Variants in ARHGEF10L observed in about 807,000 individuals in gnomAD.
ARHGEF10L encodes the protein rho guanine nucleotide exchange factor 10-like protein.
A neutral mutation model predicts 141.2 loss-of-function variants in ARHGEF10L; 69 were observed. The ratio of observed to expected loss-of-function variants is 0.49; its 90% CI spans 0.40 to 0.60. The LOEUF (loss-of-function observed/expected upper bound fraction) is 0.60. Ranked by LOEUF, ARHGEF10L falls within the 20% of genes least tolerant of loss-of-function variation. The probability of loss-of-function intolerance (pLI) is 0.00; values close to 1 mark genes in which losing one functional copy is unlikely to be tolerated. For synonymous variants in ARHGEF10L, 711 were observed against 718.5 expected (o/e 0.99, Z 0.17); for missense variants, 1,482 against 1,734.3 (o/e 0.85, Z 2.58).
In ARHGEF10L at chr1:17,697,138, G is replaced by A. The variant is rs2102632797; in HGVS notation, c.3598G>A (p.Ala1200Thr). 6 of 1,611,586 alleles carry A rather than the reference G, an allele frequency of 3.7e-6. No individual in the cohort carries two copies. The highest frequency in any genetic ancestry group is 5.1e-6 in the Non-Finnish European group (6 of 1,179,290). ...GGAGCCGGCGCCTGCTGATGGCGCA[G>A]CTTTGGAGCACAGCGAGGAGGACGG... The part of the protein sequence containing the change: ...MREPAPADGA[A>T]LEHSEEDGSI... The change falls in exon 29 of 29, where the codon GCT (alanine) becomes ACT (threonine). Residue 1200 changes from alanine to threonine, a missense_variant. Ala to Thr is a moderately conservative substitution (Grantham distance 58, BLOSUM62 0). Transcript: ENST00000361221. This position sits in a 1 kb window ranked among gnomAD's most constrained non-coding sequence, Gnocchi z 4.8.
At position 17,599,788 on chromosome 1, in the gene ARHGEF10L, C is replaced by T. The variant is rs74496078; in HGVS notation, c.258-2339C>T. On this transcript the variant is annotated intron_variant, in intron 4 of 28. Transcript: ENST00000361221. Reference sequence around the variant, plus strand: ...CTTCTGGCAGTGAAATGTGAGCTGACACTTGCTCCTCTAATAGGGCAGGTG... The same window carrying T: ...CTTCTGGCAGTGAAATGTGAGCTGATACTTGCTCCTCTAATAGGGCAGGTG... 9.6e-3 allele frequency among the ~76,000 whole-genome samples: 1,460 copies of T among 152,298 alleles called. 28 individuals carry two copies. Among genetic ancestry groups the T allele is most frequent in the African/African-American group, 0.032 (1,347 of 41,562 alleles).
chr1:17,681,917 G>A (rs1034312826), intron 26 of ARHGEF10L, among the ~76,000 whole-genome samples: 3 of 151,740 alleles, frequency 2.0e-5, no homozygotes, highest in African/African-American at 7.3e-5. Context: ...TTGACTAGTT[G>A]TCACTAGTTA....
At chr1:17,624,524 C>T (rs367913209) in intron 13 of ARHGEF10L, 21 bp downstream of exon 13, 16 of 1,597,038 alleles carry the variant, frequency 1.0e-5, no homozygotes, top group African/African-American at 8.1e-5. Flanking sequence ...ATGGTGGTAC[C>T]GTGCCTGGTC....
chr1:17,660,932 T>A (rs573131150), intron 25 of ARHGEF10L, among the ~76,000 whole-genome samples: 119 of 152,286 alleles, frequency 7.8e-4, no homozygotes, highest in Non-Finnish European at 1.4e-3. Context: ...GGGTTTAGGA[T>A]CTCAGAATCA....
intron 2 of ARHGEF10L, among the ~76,000 whole-genome samples, chr1:17,586,490 T>C (rs2079034185): frequency 9.6e-6 from 1 of 103,912 alleles, no homozygotes; most frequent in African/African-American, 3.3e-5. Flanking sequence ...ACTCCTGAAG[T>C]TCCATTCAGC....
rs764503209 is a variant in ARHGEF10L, at chr1:17,616,239, G to A, written c.835+37G>A. The A allele has an allele frequency of 2.0e-6, 3 of 1,466,814 alleles. No individual in the cohort carries two copies. In the South Asian group the frequency reaches 3.4e-5, roughly 17 times the overall value. 90.9% of individuals were successfully genotyped at this position (1,466,814 alleles called of 1,614,324 possible). A position where few individuals can be genotyped will look rare whatever the true frequency, so the allele number is the denominator to read the frequency against. ...CCCGAGCGGGAGGGTCTGGTGCCCAGCTCTGACTGGGGGTCGGGGAGGGTG... is the reference window on the plus strand; with the variant it reads ...CCCGAGCGGGAGGGTCTGGTGCCCAACTCTGACTGGGGGTCGGGGAGGGTG... On this transcript the variant is annotated intron_variant, in intron 9 of 28. Coordinates refer to ENST00000361221, the MANE Select transcript of ARHGEF10L (RefSeq NM_018125.4).
chr1:17,652,861 G>A (rs2062013540), intron 22 of ARHGEF10L, among the ~76,000 whole-genome samples: 1 of 152,100 alleles, frequency 6.6e-6, no homozygotes, highest in African/African-American at 2.4e-5. Context: ...ACCCACAGGG[G>A]GTCTGTGGCC....
At chr1:17,574,142 C>G (rs1056391581) in intron 1 of ARHGEF10L, among the ~76,000 whole-genome samples, 3 of 152,142 alleles carry the variant, frequency 2.0e-5, no homozygotes, top group African/African-American at 7.2e-5. Flanking sequence ...CCCCTACTCC[C>G]CCTTCCACCC....
chr1:17,666,484 T>C (rs2062982850), intron 26 of ARHGEF10L, among the ~76,000 whole-genome samples: 1 of 151,964 alleles, frequency 6.6e-6, no homozygotes, highest in Non-Finnish European at 1.5e-5. Flanking sequence ...GCACCCTTCA[T>C]GGGCAGCATG....
At chr1:17,526,880 G>A in the ARHGEF10L span, among the ~76,000 whole-genome samples, 1 of 149,958 alleles carries the variant, frequency 6.7e-6, no homozygotes, top group South Asian at 2.1e-4. Context: ...CTCCAGCCTG[G>A]ACAAGAGAGT....
At chr1:17,665,261 C>T (rs1394894822) in intron 26 of ARHGEF10L, among the ~76,000 whole-genome samples, 1 of 152,238 alleles carries the variant, frequency 6.6e-6, no homozygotes, top group East Asian at 1.9e-4. Flanking sequence ...GTGGAGCTCT[C>T]CCAGGGCGCT....
At chr1:17,552,357 G>T (rs986343715) in intron 1 of ARHGEF10L, among the ~76,000 whole-genome samples, 2 of 152,028 alleles carry the variant, frequency 1.3e-5, no homozygotes, top group African/African-American at 4.8e-5. Context: ...TCCACTGTAG[G>T]CCTGAAGTGT....
chr1:17,592,712 C>T (rs1193341), intron 4 of ARHGEF10L, among the ~76,000 whole-genome samples: 146,376 of 152,256 alleles, frequency 0.96, 70,501 homozygotes, highest in East Asian at 1. Flanking sequence ...TTCAAGATTT[C>T]CCAGATTGCC....
intron 26 of ARHGEF10L, among the ~76,000 whole-genome samples, chr1:17,681,066 C>T (rs927116418): frequency 6.6e-6 from 1 of 152,164 alleles, no homozygotes; most frequent in Non-Finnish European, 1.5e-5. Context: ...AGCCACTACG[C>T]CTGGTCCCCC....
intron 25 of ARHGEF10L, among the ~76,000 whole-genome samples, chr1:17,664,123 G>T (rs985651254): frequency 1.3e-5 from 2 of 152,168 alleles, no homozygotes; most frequent in African/African-American, 4.8e-5. Context: ...CATGGGTGGA[G>T]TAGGTGCTTA....
intron 1 of ARHGEF10L, among the ~76,000 whole-genome samples, chr1:17,552,261 G>A (rs1413140102): frequency 1.3e-5 from 2 of 152,170 alleles, no homozygotes; most frequent in Non-Finnish European, 2.9e-5. Context: ...ACTTTGGGCA[G>A]GTGTCTCACC....
intron 21 of ARHGEF10L, among the ~76,000 whole-genome samples, chr1:17,641,048 C>T (rs1247161824): frequency 6.6e-6 from 1 of 152,208 alleles, no homozygotes; most frequent in Non-Finnish European, 1.5e-5. Flanking sequence ...ATCTGGGCCG[C>T]AGACCCTGTG....
intron 4 of ARHGEF10L, among the ~76,000 whole-genome samples, chr1:17,590,168 G>T (rs1037784071): frequency 3.5e-4 from 54 of 152,188 alleles, no homozygotes; most frequent in African/African-American, 1.3e-3. Context: ...GAGGCCAGGC[G>T]CTGGGCCACC....
chr1:17,557,445 C>T (rs2100791614), intron 1 of ARHGEF10L, among the ~76,000 whole-genome samples: 1 of 152,272 alleles, frequency 6.6e-6, no homozygotes, highest in African/African-American at 2.4e-5. Context: ...GATGCCCTCA[C>T]CTGCAGTATC....
Sources: allele counts gnomAD v4.1 joint callset (sites outside exome capture counted in the v4.1 genomes callset), GRCh38; gene constraint gnomAD v4.1.1; non-coding constraint Gnocchi (gnomAD v3.1); transcripts MANE v1.5; gene names NCBI Gene and HGNC (gene_info 2026-07-23, HGNC 2026-07-21).